The following MAPKAP1 variants were observed in gnomAD, a reference collection of about 807,000 sequenced individuals.
MAPKAP1 encodes the protein target of rapamycin complex 2 subunit MAPKAP1.
Under a neutral mutation model 65.7 loss-of-function variants are expected in MAPKAP1, and 20 were observed. That is an observed-to-expected ratio of 0.30 (90% CI 0.21 to 0.44). The LOEUF (loss-of-function observed/expected upper bound fraction) is 0.44. Among genes scored for constraint, MAPKAP1 ranks in the 20% least tolerant of loss-of-function variants. The pLI, the probability that MAPKAP1 is intolerant of heterozygous loss-of-function variation, is 1.00. For missense variants in MAPKAP1, 423 were observed against 648.0 expected (o/e 0.65, Z 3.77); for synonymous variants, 222 against 244.3 (o/e 0.91, Z 0.85).
chr9:125,635,525 G>A (rs1833398892), intron 4 of MAPKAP1, among the ~76,000 whole-genome samples: 1 of 152,158 alleles, frequency 6.6e-6, no homozygotes, highest in Non-Finnish European at 1.5e-5. Flanking sequence ...CCTACCTTTT[G>A]CCACAAGACC....
intron 4 of MAPKAP1, chr9:125,652,273 C>A (rs1370880591): frequency 8.2e-7 from 1 of 1,215,742 alleles, no homozygotes; most frequent in Admixed American, 2.4e-5. Flanking sequence ...ACAAGAGCAG[C>A]ATGCAAAAAT....
At chr9:125,563,272 C>CA (rs1330221796) in intron 5 of MAPKAP1, among the ~76,000 whole-genome samples, 7 of 152,192 alleles carry the variant, frequency 4.6e-5, no homozygotes, top group South Asian at 2.1e-4. Flanking sequence ...ACAGACATCT[C>CA]AGAGTTTACA....
intron 5 of MAPKAP1, among the ~76,000 whole-genome samples, chr9:125,564,629 T>C (rs1397625516): frequency 6.6e-6 from 1 of 152,038 alleles, no homozygotes; most frequent in East Asian, 1.9e-4. Context: ...CTCTACCGAG[T>C]TCTGGAATTA....
chr9:125,480,974 GGA>G (rs1491177037), intron 9 of MAPKAP1, among the ~76,000 whole-genome samples: 1,746 of 97,580 alleles, frequency 0.018, 150 homozygotes, highest in East Asian at 0.13. Flanking sequence ...TCCGTTTCGG[GGA>G]AAAAAAAAAA....
chr9:125,455,595 G>GTT (rs879327923), intron 10 of MAPKAP1, among the ~76,000 whole-genome samples: 2 of 146,976 alleles, frequency 1.4e-5, no homozygotes, highest in African/African-American at 2.5e-5. Flanking sequence ...AAGAAGTGTA[G>GTT]TTTTTTTTTT....
At chr9:125,537,947 C>T (rs977033150) in intron 7 of MAPKAP1, among the ~76,000 whole-genome samples, 1 of 152,180 alleles carries the variant, frequency 6.6e-6, no homozygotes, top group African/African-American at 2.4e-5. Flanking sequence ...CCGCACCTCC[C>T]CATGGCCTTG....
At chr9:125,691,015 A>G (rs1468536956) in intron 1 of MAPKAP1, among the ~76,000 whole-genome samples, 1 of 152,220 alleles carries the variant, frequency 6.6e-6, no homozygotes. Context: ...TAATCCCAGC[A>G]CTGTGGGAGG....
At chr9:125,456,082 G>A (rs754975389) in intron 10 of MAPKAP1, among the ~76,000 whole-genome samples, 1 of 152,020 alleles carries the variant, frequency 6.6e-6, no homozygotes, top group African/African-American at 2.4e-5. Context: ...TTGTCTTCTG[G>A]ATTGCATTAT....
chr9:125,462,967 A>C (rs900837884), intron 10 of MAPKAP1, among the ~76,000 whole-genome samples: 2 of 152,220 alleles, frequency 1.3e-5, no homozygotes, highest in African/African-American at 4.8e-5. Context: ...AGCTCTCAAC[A>C]GTAAGGCAGG....
At chr9:125,658,296 T>C (rs1340462698) in intron 3 of MAPKAP1, among the ~76,000 whole-genome samples, 2 of 152,228 alleles carry the variant, frequency 1.3e-5, no homozygotes, top group African/African-American at 2.4e-5. Flanking sequence ...AAACTCTTGA[T>C]GCCAAAGATG....
rs1852624950 is a variant in MAPKAP1, at chr9:125,444,502, T to C, written c.1442A>G (p.Lys481Arg). 1 of 1,610,486 alleles carries C rather than the reference T, an allele frequency of 6.2e-7. No homozygotes were observed. Among genetic ancestry groups the C allele is most frequent in the Non-Finnish European group, 8.5e-7 (1 of 1,177,484 alleles). Residue 481 changes from lysine to arginine, a missense_variant and splice_region_variant, in exon 11 of 12, where the codon AAG becomes AGG. Transcript: ENST00000265960. ...TCTGGTTCAAGAAGGAATACTCACC[T>C]TGAGCACAATTTCATTGACGGTAGC... ...DAATVNEIVL[K>R]VNYILESRAS...
chr9:125,503,799 C>T (rs906678918), intron 8 of MAPKAP1, among the ~76,000 whole-genome samples: 8 of 150,748 alleles, frequency 5.3e-5, no homozygotes, highest in Non-Finnish European at 1.0e-4. Context: ...TCACTGCAAC[C>T]TCTGCCTCTC....
rs563721297 is a variant in MAPKAP1, at chr9:125,535,619, G to A, written c.958+7440C>T. 1.4e-4 allele frequency among the ~76,000 whole-genome samples: 21 copies of A among 152,250 alleles called. 1 individual carries two copies. The highest frequency in any genetic ancestry group is 4.1e-4 in the African/African-American group (17 of 41,554). ...CTCCCATGTTAGAGTTGAGGAAAGC[G>A]AGGCTTAGAGAGGTTAAGTACATCA... On this transcript the variant is annotated intron_variant, in intron 7 of 11. Coordinates refer to ENST00000265960, the MANE Select transcript of MAPKAP1 (RefSeq NM_001006617.3).
At chr9:125,627,862 T>C (rs919161281) in intron 4 of MAPKAP1, among the ~76,000 whole-genome samples, 9 of 152,314 alleles carry the variant, frequency 5.9e-5, no homozygotes, top group Middle Eastern at 3.4e-3. Context: ...AGAAGAGACC[T>C]CAGAGAACTA....
chr9:125,594,892 T>C (rs886479833), intron 4 of MAPKAP1, among the ~76,000 whole-genome samples: 5 of 152,192 alleles, frequency 3.3e-5, no homozygotes, highest in African/African-American at 9.6e-5. Context: ...AGAGCAGCTA[T>C]ACCTTTTCTA....
chr9:125,562,265 G>A (rs890568764), intron 5 of MAPKAP1, among the ~76,000 whole-genome samples: 1 of 152,196 alleles, frequency 6.6e-6, no homozygotes, highest in Non-Finnish European at 1.5e-5. Flanking sequence ...AGATGCAAAA[G>A]GTTCACTGCC....
intron 7 of MAPKAP1, among the ~76,000 whole-genome samples, chr9:125,520,041 T>A (rs1829576104): frequency 6.6e-6 from 1 of 152,186 alleles, no homozygotes; most frequent in Non-Finnish European, 1.5e-5. Flanking sequence ...GATGTAACGC[T>A]TATAAGCCAG....
At chr9:125,683,543 A>G (rs978780625) in intron 1 of MAPKAP1, among the ~76,000 whole-genome samples, 1 of 152,192 alleles carries the variant, frequency 6.6e-6, no homozygotes, top group Non-Finnish European at 1.5e-5. Context: ...ACCACTAGCA[A>G]GAGAAGGAGG....
chr9:125,521,210 A>G (rs574889078), intron 7 of MAPKAP1, among the ~76,000 whole-genome samples: 2 of 152,096 alleles, frequency 1.3e-5, no homozygotes. Flanking sequence ...GAGTGCTAAT[A>G]CTCTACATCC....
Sources: gnomAD v4.1 joint callset for allele counts (sites outside exome capture counted in the v4.1 genomes callset) on GRCh38, gnomAD v4.1.1 for gene constraint, MANE v1.5 for transcripts, NCBI Gene and HGNC (gene_info 2026-07-23, HGNC 2026-07-21) for gene names.